The following F2 variants were observed in gnomAD, a reference collection of about 807,000 sequenced individuals.
The protein encoded by F2 is prothrombin.
F2 carries 34 observed loss-of-function variants against 81.9 expected under a neutral mutation model. The ratio of observed to expected loss-of-function variants is 0.42; its 90% CI spans 0.32 to 0.55. The LOEUF (loss-of-function observed/expected upper bound fraction) is 0.55. F2 is among the 20% of genes least tolerant of loss of function. The pLI, the probability that F2 is intolerant of heterozygous loss-of-function variation, is 0.18. For missense variants in F2, 630 were observed against 833.4 expected (o/e 0.76, Z 3.00); for synonymous variants, 296 against 326.4 (o/e 0.91, Z 1.01).
intron 13 of F2, 23 bp from the exon 14 acceptor site, chr11:46,739,242 G>GT: frequency 6.2e-7 from 1 of 1,613,840 alleles, no homozygotes; most frequent in Non-Finnish European, 8.5e-7. Context: ...GACTCTATTG[G>GT]AAACCTCATC....
chr11:46,738,008 T>G (rs1230399436), intron 12 of F2, among the ~76,000 whole-genome samples: 1 of 152,024 alleles, frequency 6.6e-6, no homozygotes, highest in Non-Finnish European at 1.5e-5. Flanking sequence ...GGCTAATTTT[T>G]TTTTTTCGAG....
At chr11:46,720,454 A>G in intron 2 of F2, 69 bp from the exon 3 acceptor site, 1 of 1,564,598 alleles carries the variant, frequency 6.4e-7, no homozygotes, top group Non-Finnish European at 8.8e-7. Flanking sequence ...TGAGGAGGAG[A>G]CATAACATTT....
Position 46,739,419 on chromosome 11 carries a change from A to T in F2, c.*11A>T, listed in dbSNP as rs2134548289. 6.2e-7 allele frequency: 1 copy of T among 1,613,972 alleles called. No individual in the cohort carries two copies. Among genetic ancestry groups the T allele is most frequent in the East Asian group, 2.2e-5 (1 of 44,880 alleles). ...CAGTTTGGAGAGTAGGGGGCCACTCATATTCTGGGCTCCTGGAACCAATCC... is the reference window on the plus strand; with the variant it reads ...CAGTTTGGAGAGTAGGGGGCCACTCTTATTCTGGGCTCCTGGAACCAATCC... On this transcript the variant is annotated 3_prime_UTR_variant, in exon 14 of 14. Transcript: ENST00000311907.
Position 46,728,788 on chromosome 11 carries a change from A to G in F2, c.1423A>G (p.Ser475Gly). ...LMKLKKPVAF[S>G]DYIHPVCLPD... ...GAAGCTGAAGAAGCCTGTTGCCTTC[A>G]GTGACTACATTCACCCTGTGTGTCT... is the stretch of plus-strand genomic sequence containing the variant. The change falls in exon 11 of 14, where the codon AGT becomes GGT. Residue 475 changes from serine to glycine, a missense_variant. Ser to Gly is a moderately conservative substitution (Grantham distance 56). Coordinates refer to ENST00000311907, the MANE Select transcript of F2 (RefSeq NM_000506.5). The surrounding 1 kb of genome is among the most constrained non-coding windows in gnomAD (Gnocchi z 5.1). 1 of 1,614,204 alleles carries G rather than the reference A, an allele frequency of 6.2e-7. No individual in the cohort carries two copies. Among genetic ancestry groups the G allele is most frequent in the Non-Finnish European group, 8.5e-7 (1 of 1,180,034 alleles).
At chr11:46,729,199 C>T (rs1433480618) in intron 11 of F2, among the ~76,000 whole-genome samples, 181 bp from the exon 12 acceptor site, 2 of 152,000 alleles carry the variant, frequency 1.3e-5, no homozygotes, top group African/African-American at 2.4e-5. Flanking sequence ...AGGTTGGTCT[C>T]GAACCCCTGA....
intron 12 of F2, among the ~76,000 whole-genome samples, chr11:46,736,797 T>C (rs2064946774): frequency 6.6e-6 from 1 of 152,248 alleles, no homozygotes; most frequent in Admixed American, 6.5e-5. Context: ...AATTCTTGCA[T>C]GTTTGTTTTT....
intron 12 of F2, among the ~76,000 whole-genome samples, chr11:46,731,677 G>T (rs1235877650): frequency 6.6e-6 from 1 of 150,856 alleles, no homozygotes; most frequent in Non-Finnish European, 1.5e-5. Context: ...TGGTTATTTT[G>T]TACACTGGCC....
Position 46,719,914 on chromosome 11 carries a change from T to C in F2, c.240+52T>C, listed in dbSNP as rs1377350069. 2 of 1,541,332 alleles carry C rather than the reference T, an allele frequency of 1.3e-6. No homozygotes were observed. The highest frequency in any genetic ancestry group is 1.7e-6 in the Non-Finnish European group (2 of 1,145,966). On this transcript the variant is annotated intron_variant, in intron 2 of 13. Transcript: ENST00000311907. The surrounding 1 kb of genome is among the most constrained non-coding windows in gnomAD (Gnocchi z 4.7). The stretch of plus-strand genomic sequence containing the variant: ...CGGGGCCTCAGACCGGGCCCAACTC[T>C]AGACACTTCCACAGAGAAGCAAGCG...
intron 12 of F2, 146 bp downstream of exon 12, chr11:46,729,707 GTC>G (rs1291725168): frequency 1.6e-5 from 14 of 860,142 alleles, no homozygotes; most frequent in South Asian, 6.9e-5. Context: ...GGAGGTAAAA[GTC>G]TCTATCCCAT....
intron 4 of F2, among the ~76,000 whole-genome samples, chr11:46,721,830 G>T (rs1014851803): frequency 2.6e-5 from 4 of 150,978 alleles, no homozygotes; most frequent in African/African-American, 7.3e-5. Flanking sequence ...ATGCCTGGCT[G>T]CCATACTTTC....
intron 9 of F2, among the ~76,000 whole-genome samples, chr11:46,727,162 C>T (rs1426149804): frequency 6.6e-6 from 1 of 152,188 alleles, no homozygotes; most frequent in Non-Finnish European, 1.5e-5. Context: ...GCTGAATTTA[C>T]AGACATGCGC....
In F2 at chr11:46,726,175, T is replaced by G; in HGVS notation, c.874+2T>G. The G allele has an allele frequency of 1.2e-6, 2 of 1,612,998 alleles. No individual in the cohort carries two copies. The highest frequency in any genetic ancestry group is 1.7e-6 in the Non-Finnish European group (2 of 1,179,690). ...GGTACTGCGACCTCAACTATTGTGG[T>G]GAGCTGCCTGGGTAGGGGGCCTGAG... On this transcript the variant is annotated splice_donor_variant, in intron 7 of 13. Transcript: ENST00000311907. LOFTEE classifies it high-confidence loss of function. This position sits in a 1 kb window ranked among gnomAD's most constrained non-coding sequence, Gnocchi z 5.9.
intron 12 of F2, among the ~76,000 whole-genome samples, chr11:46,736,402 C>T (rs762374078): frequency 2.6e-5 from 4 of 152,138 alleles, no homozygotes; most frequent in African/African-American, 9.7e-5. Context: ...GGATTACAGA[C>T]GTGAGCCACC....
chr11:46,728,803 C>T lies in F2; in HGVS notation c.1438C>T (p.Pro480Ser). Residue 480 changes from proline (P) to serine (S), a missense_variant, in exon 11 of 14, where the codon CCT becomes TCT. By Grantham distance (74) the Pro-to-Ser change is moderately conservative. Coordinates refer to ENST00000311907, the MANE Select transcript of F2 (RefSeq NM_000506.5). The surrounding 1 kb of genome is among the most constrained non-coding windows in gnomAD (Gnocchi z 5.1). ...KPVAFSDYIHPVCLPDRETAA... is the reference protein window; with the variant it reads ...KPVAFSDYIHSVCLPDRETAA... Reference sequence around the variant, plus strand: ...TGTTGCCTTCAGTGACTACATTCACCCTGTGTGTCTGCCCGACAGGGAGAC... The same window carrying T: ...TGTTGCCTTCAGTGACTACATTCACTCTGTGTGTCTGCCCGACAGGGAGAC... 1 of 1,614,140 alleles carries T rather than the reference C, an allele frequency of 6.2e-7. No homozygotes were observed. The highest frequency in any genetic ancestry group is 8.5e-7 in the Non-Finnish European group (1 of 1,180,044).
intron 12 of F2, among the ~76,000 whole-genome samples, chr11:46,736,203 AAATCAATCAATC>A (rs3136528): frequency 2.6e-5 from 4 of 152,198 alleles, no homozygotes; most frequent in African/African-American, 9.6e-5. Context: ...CTCTATCTCA[AAATCAATCAATC>A]AATCAATCAA....
intron 12 of F2, among the ~76,000 whole-genome samples, chr11:46,738,220 TA>T (rs1565709161): frequency 6.6e-6 from 1 of 151,766 alleles, no homozygotes; most frequent in African/African-American, 2.4e-5. Context: ...AGGCTGGTCT[TA>T]AACTCCTGAC....
chr11:46,728,575 C>G lies in F2; in HGVS notation c.1299-89C>G, dbSNP rs1420367158. 7 of 1,469,890 alleles carry G rather than the reference C, an allele frequency of 4.8e-6. No individual in the cohort carries two copies. The highest frequency in any genetic ancestry group is 6.6e-6 in the Non-Finnish European group (7 of 1,055,022). The allele number at this position is 1,469,890 out of a possible 1,614,324, so 91.1% of individuals were successfully genotyped here. ...CCTCCCTGGTGGCCTGCAGGACACA[C>G]TGTCTCCCAGACCCCAAGGGCAGGC... is the stretch of plus-strand genomic sequence containing the variant. On this transcript the variant is annotated intron_variant, in intron 10 of 13. Coordinates refer to ENST00000311907, the MANE Select transcript of F2 (RefSeq NM_000506.5). The surrounding 1 kb of genome is among the most constrained non-coding windows in gnomAD (Gnocchi z 5.1).
Position 46,723,234 on chromosome 11 carries a change from G to A in F2, c.371G>A (p.Arg124Gln), listed in dbSNP as rs139148365. 3.7e-4 allele frequency: 599 copies of A among 1,613,960 alleles called. No individual in the cohort carries two copies. The highest frequency in any genetic ancestry group is 4.8e-4 in the Non-Finnish European group (564 of 1,180,026). The stretch of plus-strand genomic sequence containing the variant: ...TACCGAGGGCATGTGAACATCACCC[G>A]GTCAGGCATTGAGTGCCAGCTATGG... ...TNYRGHVNIT[R>Q]SGIECQLWRS... Residue 124 changes from arginine to glutamine, a missense_variant, in exon 5 of 14, where the codon CGG becomes CAG. Physicochemically the swap from Arg to Gln is conservative, Grantham distance 43. Coordinates refer to ENST00000311907, the MANE Select transcript of F2 (RefSeq NM_000506.5). The surrounding 1 kb of genome is among the most constrained non-coding windows in gnomAD (Gnocchi z 5.6).
At chr11:46,727,933 A>G (rs2064885674) in intron 9 of F2, 63 bp from the exon 10 acceptor site, 2 of 1,527,102 alleles carry the variant, frequency 1.3e-6, no homozygotes, top group Non-Finnish European at 1.8e-6. Flanking sequence ...TGTTACTTCT[A>G]GGGCTGGTGT....
Sources: allele counts gnomAD v4.1 joint callset (sites outside exome capture counted in the v4.1 genomes callset), GRCh38; gene constraint gnomAD v4.1.1; non-coding constraint Gnocchi (gnomAD v3.1); transcripts MANE v1.5; gene names NCBI Gene and HGNC (gene_info 2026-07-23, HGNC 2026-07-21).